Variants in GLB1 observed in about 807,000 individuals in gnomAD.
GLB1 encodes the protein galactosidase beta 1, also known as beta-galactosidase.
GLB1 carries 56 observed loss-of-function variants against 74.0 expected under a neutral mutation model. The ratio of observed to expected loss-of-function variants is 0.76; its 90% CI spans 0.61 to 0.94. GLB1 has a LOEUF of 0.94. Ranked by LOEUF, GLB1 falls within the 40% of genes least tolerant of loss-of-function variation. GLB1 has a pLI of 0.00. For missense variants in GLB1, 787 were observed against 845.5 expected, an observed-to-expected ratio of 0.93 and a Z score of 0.86; for synonymous variants, 323 against 323.6, an observed-to-expected ratio of 1.00 and a Z score of 0.02.
the GLB1 span, among the ~76,000 whole-genome samples, chr3:32,989,123 C>T: frequency 3.3e-5 from 5 of 152,202 alleles, no homozygotes; most frequent in African/African-American, 1.2e-4. Context: ...TGATATCTGC[C>T]GATCATGGCA....
At chr3:33,009,119 T>TAAAA (rs1333242810) in intron 15 of GLB1, among the ~76,000 whole-genome samples, 7 of 65,790 alleles carry the variant, frequency 1.1e-4, no homozygotes, top group South Asian at 5.9e-4. Context: ...AACTCCATCT[T>TAAAA]AAAAAATAAA....
At chr3:33,078,305 G>A (rs1700200256) in intron 1 of GLB1, among the ~76,000 whole-genome samples, 1 of 152,194 alleles carries the variant, frequency 6.6e-6, no homozygotes, top group South Asian at 2.1e-4. Context: ...CCAACACTTA[G>A]TGAAATGGAT....
At position 33,024,236 on chromosome 3, in the gene GLB1, A is replaced by AT. The variant is rs376544604; in HGVS notation, c.1143+14dup. On this transcript the variant is annotated intron_variant, in intron 11 of 15. Transcript: ENST00000307363. ...ATCTCTCACTTTCAAAGTTTCTGTT[A>AT]TTTTTTTTTCTTACCTTTTCCAAAG... 1.9e-4 allele frequency: 301 copies of AT among 1,578,724 alleles called. No homozygotes were observed. The highest frequency in any genetic ancestry group is 2.6e-4 in the Admixed American group (15 of 58,198).
the GLB1 span, among the ~76,000 whole-genome samples, chr3:32,990,170 C>T: frequency 1.3e-5 from 2 of 152,192 alleles, no homozygotes; most frequent in East Asian, 3.9e-4. Context: ...TCTCTCCAGA[C>T]CCTGGATCTC....
downstream of GLB1, among the ~76,000 whole-genome samples, chr3:32,991,936 G>A (rs1696229216): frequency 6.6e-6 from 1 of 152,236 alleles, no homozygotes; most frequent in Admixed American, 6.5e-5. Flanking sequence ...CAGACTTACT[G>A]GTTTATTATG....
At chr3:33,067,712 A>C (rs1217553155) in intron 4 of GLB1, among the ~76,000 whole-genome samples, 3 of 152,240 alleles carry the variant, frequency 2.0e-5, no homozygotes, top group Non-Finnish European at 2.9e-5. Flanking sequence ...CCAGTTTATC[A>C]GTAAGATCTG....
chr3:33,092,053 G>A, intron 1 of GLB1: 1 of 985,374 alleles, frequency 1.0e-6, no homozygotes, highest in South Asian at 4.7e-5. Flanking sequence ...TGTCCCCAGT[G>A]AGCTCCCCGA....
At chr3:32,992,666 C>G (rs180861035), downstream of GLB1, among the ~76,000 whole-genome samples, 466 of 152,274 alleles carry the variant, frequency 3.1e-3, 3 homozygotes, top group African/African-American at 0.011. Context: ...GTCCTCAAAG[C>G]CTGTCCTGTT....
the GLB1 span, among the ~76,000 whole-genome samples, chr3:32,969,555 A>G: frequency 1.3e-5 from 2 of 152,226 alleles, no homozygotes; most frequent in Admixed American, 1.3e-4. Flanking sequence ...TCCACCTTCT[A>G]AAGAAGAAGC....
intron 10 of GLB1, among the ~76,000 whole-genome samples, chr3:33,039,394 T>G (rs535453925): frequency 6.6e-6 from 1 of 150,394 alleles, no homozygotes; most frequent in African/African-American, 2.4e-5. Flanking sequence ...CCAATAGACA[T>G]ACAACAAAAG....
intron 9 of GLB1, among the ~76,000 whole-genome samples, chr3:33,048,180 G>A (rs1227417598): frequency 6.6e-6 from 1 of 152,210 alleles, no homozygotes; most frequent in Non-Finnish European, 1.5e-5. Context: ...TTGGGAAAGT[G>A]TGACCTCTAG....
chr3:33,069,750 CA>C (rs976638211), intron 2 of GLB1, among the ~76,000 whole-genome samples: 3 of 152,212 alleles, frequency 2.0e-5, no homozygotes, highest in African/African-American at 7.2e-5. Flanking sequence ...CTCCCTTCCT[CA>C]AATTCTCCTT....
intron 11 of GLB1, among the ~76,000 whole-genome samples, chr3:33,022,301 CA>C (rs2125475698): frequency 6.6e-6 from 1 of 152,186 alleles, no homozygotes; most frequent in African/African-American, 2.4e-5. Flanking sequence ...TGTATTCTTG[CA>C]ACCCAGGATA....
At chr3:33,077,855 A>G (rs1223116201) in intron 1 of GLB1, among the ~76,000 whole-genome samples, 13 of 152,096 alleles carry the variant, frequency 8.5e-5, no homozygotes, top group Non-Finnish European at 1.8e-4. Flanking sequence ...TTAACAAAAA[A>G]AAAACATAAA....
intron 15 of GLB1, among the ~76,000 whole-genome samples, chr3:32,998,604 T>C (rs1193313198): frequency 1.3e-5 from 2 of 149,376 alleles, no homozygotes; most frequent in Non-Finnish European, 3.0e-5. Context: ...AGAAAGAAAG[T>C]GAAGATGGGG....
the GLB1 span, among the ~76,000 whole-genome samples, chr3:32,975,659 C>A: frequency 2.6e-5 from 4 of 152,318 alleles, no homozygotes; most frequent in South Asian, 6.2e-4. Flanking sequence ...AATAGAAAAT[C>A]TCTCATTTAA....
intron 1 of GLB1, among the ~76,000 whole-genome samples, chr3:33,083,235 T>G (rs1358257927): frequency 2.6e-5 from 4 of 151,950 alleles, no homozygotes; most frequent in African/African-American, 9.7e-5. Flanking sequence ...TCATCTATAC[T>G]AAAAATACAA....
Position 33,053,556 on chromosome 3 carries a change from AT to A in GLB1, c.734-8del. The A allele has an allele frequency of 6.2e-7, 1 of 1,614,170 alleles. No homozygotes were observed. Among genetic ancestry groups the A allele is most frequent in the Non-Finnish European group, 8.5e-7 (1 of 1,180,016 alleles). ...GCATCTGTGATGTTGCTGCCTGAAA[AT>A]TGTAAGAGGGAGAAGGTAGGTCAGT... On this transcript the variant is annotated splice_polypyrimidine_tract_variant and splice_region_variant and intron_variant, in intron 6 of 15. Transcript: ENST00000307363.
At chr3:32,989,302 T>C in the GLB1 span, among the ~76,000 whole-genome samples, 1 of 152,198 alleles carries the variant, frequency 6.6e-6, no homozygotes, top group Non-Finnish European at 1.5e-5. Flanking sequence ...CCGAGAGTCA[T>C]CATTTGCCTG....
Sources: gnomAD v4.1 joint callset for allele counts (sites outside exome capture counted in the v4.1 genomes callset) on GRCh38, gnomAD v4.1.1 for gene constraint, MANE v1.5 for transcripts, NCBI Gene and HGNC (gene_info 2026-07-23, HGNC 2026-07-21) for gene names.